The following SGCD variants were observed in gnomAD, a reference collection of about 807,000 sequenced individuals.
SGCD encodes the protein delta-sarcoglycan.
In SGCD, 18 loss-of-function variants were observed where a neutral mutation model predicts 36.6. That is an observed-to-expected ratio of 0.49 (90% confidence interval 0.34 to 0.73). The LOEUF (loss-of-function observed/expected upper bound fraction) is 0.73, where lower values mean the gene tolerates loss of function less well. Among genes scored for constraint, SGCD ranks in the 30% least tolerant of loss-of-function variants. SGCD has a pLI of 0.01. For missense variants in SGCD, 387 were observed against 346.7 expected (o/e 1.12, Z -0.92); for synonymous variants, 133 against 130.6 (o/e 1.02, Z -0.12).
intron 4 of SGCD, among the ~76,000 whole-genome samples, chr5:156,553,782 T>G (rs1215866624): frequency 3.3e-5 from 5 of 152,202 alleles, no homozygotes; most frequent in Admixed American, 3.3e-4. Flanking sequence ...GGGGCCTATA[T>G]CTGTACTTCA....
At chr5:155,860,717 G>A in the SGCD span, among the ~76,000 whole-genome samples, 2 of 152,152 alleles carry the variant, frequency 1.3e-5, no homozygotes, top group Non-Finnish European at 2.9e-5. Flanking sequence ...TTTCCCCTGT[G>A]TTTGGGTATG....
chr5:155,927,325 A>G (rs1419591989), intron 1 of SGCD, among the ~76,000 whole-genome samples: 1 of 152,204 alleles, frequency 6.6e-6, no homozygotes, highest in Non-Finnish European at 1.5e-5. Flanking sequence ...GATAGTGATT[A>G]TATCATAGGT....
intron 7 of SGCD, among the ~76,000 whole-genome samples, chr5:156,696,293 C>T (rs547214350): frequency 5.3e-5 from 8 of 152,280 alleles, no homozygotes; most frequent in Admixed American, 3.9e-4. Flanking sequence ...TGATGCTGCA[C>T]TTCTCCATCC....
intron 3 of SGCD, among the ~76,000 whole-genome samples, chr5:156,168,819 A>G (rs774449290): frequency 6.6e-6 from 1 of 152,212 alleles, no homozygotes; most frequent in Non-Finnish European, 1.5e-5. Flanking sequence ...TGAGAGATAG[A>G]AGAGTAAGGC....
chr5:156,364,049 G>T (rs763079090), intron 3 of SGCD, among the ~76,000 whole-genome samples: 2 of 152,146 alleles, frequency 1.3e-5, no homozygotes, highest in Non-Finnish European at 2.9e-5. Flanking sequence ...CCTCTGGGCT[G>T]TGCAGGGAGG....
chr5:155,736,258 T>C, the SGCD span, among the ~76,000 whole-genome samples: 1 of 152,158 alleles, frequency 6.6e-6, no homozygotes. Context: ...AGAAGAAATA[T>C]CTCAACCTCG....
chr5:156,037,872 A>G (rs1759538458), intron 1 of SGCD, among the ~76,000 whole-genome samples: 1 of 152,222 alleles, frequency 6.6e-6, no homozygotes, highest in Non-Finnish European at 1.5e-5. Context: ...TATCATGTCA[A>G]TATAATATAT....
At chr5:156,225,886 G>C (rs1036334980) in intron 3 of SGCD, among the ~76,000 whole-genome samples, 5 of 151,786 alleles carry the variant, frequency 3.3e-5, no homozygotes, top group Non-Finnish European at 7.4e-5. Context: ...TTTTGCAAAA[G>C]AGCAATAATA....
intron 3 of SGCD, among the ~76,000 whole-genome samples, chr5:156,463,896 T>C (rs113636560): frequency 0.057 from 8,613 of 152,106 alleles, 385 homozygotes; most frequent in African/African-American, 0.13. Context: ...GTTGAGGCTA[T>C]AGTGAGCCAT....
intron 3 of SGCD, among the ~76,000 whole-genome samples, chr5:156,229,075 T>C (rs1346007288): frequency 1.3e-5 from 2 of 151,554 alleles, no homozygotes; most frequent in Non-Finnish European, 2.9e-5. Flanking sequence ...AGCCTACATC[T>C]TTCTCCCATG....
At chr5:156,498,086 A>C (rs1581079873) in intron 3 of SGCD, among the ~76,000 whole-genome samples, 1 of 152,136 alleles carries the variant, frequency 6.6e-6, no homozygotes, top group Non-Finnish European at 1.5e-5. Context: ...TAGTAAACCC[A>C]CACAAAGTGT....
At chr5:156,290,242 G>A (rs1172000035) in intron 3 of SGCD, among the ~76,000 whole-genome samples, 3 of 152,044 alleles carry the variant, frequency 2.0e-5, no homozygotes, top group Non-Finnish European at 4.4e-5. Context: ...TAACTTCCCA[G>A]GTATGTGGCT....
At chr5:156,736,742 C>T (rs1756388814) in intron 7 of SGCD, among the ~76,000 whole-genome samples, 1 of 152,222 alleles carries the variant, frequency 6.6e-6, no homozygotes, top group African/African-American at 2.4e-5. Context: ...GTATTGAGAA[C>T]TCGCGGGACC....
In SGCD at chr5:156,463,469, G is replaced by A. The variant is rs112023872; in HGVS notation, c.193-45132G>A. ...AGTTCTATGGGATTTAGGCTTTGAG[G>A]CACAATTTTTTTTTACCTGAACTAT... On this transcript the variant is annotated intron_variant, in intron 3 of 8. Transcript: ENST00000337851. 4.0e-3 allele frequency among the ~76,000 whole-genome samples: 608 copies of A among 152,098 alleles called. 2 individuals carry two copies. Among genetic ancestry groups the A allele is most frequent in the African/African-American group, 0.014 (575 of 41,514 alleles).
intron 1 of SGCD, among the ~76,000 whole-genome samples, chr5:155,943,054 G>A (rs978853673): frequency 6.6e-6 from 1 of 152,192 alleles, no homozygotes; most frequent in Non-Finnish European, 1.5e-5. Flanking sequence ...AGCTATGATA[G>A]AGTTGAGGAC....
At chr5:156,394,962 T>C (rs574009845) in intron 3 of SGCD, among the ~76,000 whole-genome samples, 1 of 152,380 alleles carries the variant, frequency 6.6e-6, no homozygotes, top group South Asian at 2.1e-4. Context: ...TCCTTTGCTA[T>C]TGGCTTTATC....
chr5:156,579,162 G>C (rs113680191), intron 4 of SGCD, among the ~76,000 whole-genome samples: 1 of 152,048 alleles, frequency 6.6e-6, no homozygotes, highest in African/African-American at 2.4e-5. Context: ...CCTTCATTTC[G>C]TGATGTACCC....
the SGCD span, among the ~76,000 whole-genome samples, chr5:155,805,215 T>C: frequency 6.6e-6 from 1 of 152,186 alleles, no homozygotes; most frequent in Non-Finnish European, 1.5e-5. Flanking sequence ...ACTTGGCATA[T>C]TGGAGTTCAC....
At chr5:155,977,446 T>C (rs1758140213) in intron 1 of SGCD, among the ~76,000 whole-genome samples, 1 of 152,226 alleles carries the variant, frequency 6.6e-6, no homozygotes, top group South Asian at 2.1e-4. Flanking sequence ...CTTTTTTTAG[T>C]CACTGTATCC....
Sources: allele counts gnomAD v4.1 joint callset (sites outside exome capture counted in the v4.1 genomes callset), GRCh38; gene constraint gnomAD v4.1.1; transcripts MANE v1.5; gene names NCBI Gene and HGNC (gene_info 2026-07-23, HGNC 2026-07-21).